AHSA1: variants seen among roughly 807,000 people sequenced by gnomAD.
AHSA1 encodes the protein activator of 90 kDa heat shock protein ATPase homolog 1.
In AHSA1, 14 loss-of-function variants were observed where a neutral mutation model predicts 46.1. The ratio of observed to expected loss-of-function variants is 0.30; its 90% confidence interval spans 0.20 to 0.47. The LOEUF is 0.47. AHSA1 is among the 20% of genes least tolerant of loss of function. The probability of loss-of-function intolerance (pLI) is 0.99; values close to 1 mark genes in which losing one functional copy is unlikely to be tolerated. For synonymous variants in AHSA1, 147 were observed against 145.8 expected (o/e 1.01, Z -0.06); for missense variants, 333 against 415.9 (o/e 0.80, Z 1.73).
chr14:77,459,315 C>G (rs1237090430), intron 1 of AHSA1, among the ~76,000 whole-genome samples: 1 of 152,142 alleles, frequency 6.6e-6, no homozygotes, highest in Non-Finnish European at 1.5e-5. Flanking sequence ...TCCACTTGGT[C>G]AAATGGGGGC....
At chr14:77,463,488 A>C (rs559045254) in intron 4 of AHSA1, among the ~76,000 whole-genome samples, 4 of 148,294 alleles carry the variant, frequency 2.7e-5, no homozygotes, top group Non-Finnish European at 4.5e-5. Flanking sequence ...CAAGAGGCTG[A>C]GGCAGGAGAA....
upstream of AHSA1, chr14:77,457,986 C>A: frequency 1.9e-6 from 1 of 526,928 alleles, no homozygotes; most frequent in Non-Finnish European, 3.3e-6. Context: ...ACCCACGGTG[C>A]GGCGAGTTGG....
chr14:77,466,151 T>C (rs900164728), intron 6 of AHSA1: 1 of 152,834 alleles, frequency 6.5e-6, no homozygotes, highest in African/African-American at 2.4e-5. Context: ...TTATTTATTT[T>C]AAAAACAAAA....
Position 77,458,110 on chromosome 14 carries a change from G to C in AHSA1, c.-80G>C. 5 of 1,305,708 alleles carry C rather than the reference G, an allele frequency of 3.8e-6. No homozygotes were observed. Among genetic ancestry groups the C allele is most frequent in the Non-Finnish European group, 5.1e-6 (5 of 987,306 alleles). 80.9% of individuals were successfully genotyped at this position (1,305,708 alleles called of 1,614,324 possible). Reference sequence around the variant, plus strand: ...CCGCTTCTAGTAGTTTCCAGGCGCTGCCGGGCGGCTGGCACTAAGCGGTCC... The same window carrying C: ...CCGCTTCTAGTAGTTTCCAGGCGCTCCCGGGCGGCTGGCACTAAGCGGTCC... On this transcript the variant is annotated 5_prime_UTR_variant, in exon 1 of 9. Coordinates refer to ENST00000216479, the MANE Select transcript of AHSA1 (RefSeq NM_012111.3).
chr14:77,467,567 G>A (rs540655444), intron 6 of AHSA1, among the ~76,000 whole-genome samples: 4 of 152,128 alleles, frequency 2.6e-5, no homozygotes, highest in African/African-American at 4.8e-5. Flanking sequence ...GGTGGCATGC[G>A]CCTGTAATCC....
At chr14:77,459,931 G>A in intron 2 of AHSA1, 125 bp downstream of exon 2, 1 of 1,065,610 alleles carries the variant, frequency 9.4e-7, no homozygotes. Flanking sequence ...CTGCTTTGGA[G>A]TCCTATGTAA....
At chr14:77,462,572 T>C in intron 3 of AHSA1, 70 bp from the exon 4 acceptor site, 6 of 1,407,322 alleles carry the variant, frequency 4.3e-6, no homozygotes, top group Non-Finnish European at 6.0e-6. Flanking sequence ...ACCTGATTGC[T>C]CAGCCCCCAC....
intron 1 of AHSA1, 129 bp downstream of exon 1, chr14:77,458,398 TC>T (rs2078998273): frequency 1.1e-6 from 1 of 929,908 alleles, no homozygotes; most frequent in African/African-American, 1.8e-5. Context: ...GGTGGGTCCT[TC>T]CTGTGGCAGG....
intron 5 of AHSA1, 114 bp from the exon 6 acceptor site, chr14:77,465,424 TA>T: frequency 8.2e-7 from 1 of 1,222,224 alleles, no homozygotes; most frequent in Non-Finnish European, 1.1e-6. Flanking sequence ...TTGGAATAAT[TA>T]CCCTTGGAGG....
At chr14:77,460,659 G>T (rs559162188) in intron 2 of AHSA1, among the ~76,000 whole-genome samples, 1 of 151,064 alleles carries the variant, frequency 6.6e-6, no homozygotes, top group African/African-American at 2.4e-5. Flanking sequence ...TCCACTTCCC[G>T]GGTTTAACCA....
At chr14:77,466,740 T>C (rs2079049348) in intron 6 of AHSA1, among the ~76,000 whole-genome samples, 1 of 152,266 alleles carries the variant, frequency 6.6e-6, no homozygotes, top group Non-Finnish European at 1.5e-5. Flanking sequence ...CAGAAAGTTA[T>C]CTTAGTTGAC....
At chr14:77,465,503 A>T in intron 5 of AHSA1, 36 bp from the exon 6 acceptor site, 1 of 1,609,250 alleles carries the variant, frequency 6.2e-7, no homozygotes, top group Non-Finnish European at 8.5e-7. Context: ...TTGTATCATT[A>T]CTCTGTATTG....
At chr14:77,467,979 G>A in intron 6 of AHSA1, 104 bp from the exon 7 acceptor site, 1 of 765,648 alleles carries the variant, frequency 1.3e-6, no homozygotes, top group Admixed American at 3.1e-5. Flanking sequence ...TGGTGGAAAT[G>A]AGAGTTGAGG....
chr14:77,468,651 C>T, intron 8 of AHSA1, 143 bp downstream of exon 8: 1 of 746,010 alleles, frequency 1.3e-6, no homozygotes. Context: ...CAGCCTTAAC[C>T]TCCCAGACCC....
upstream of AHSA1, chr14:77,458,090 T>A: frequency 9.1e-7 from 1 of 1,100,056 alleles, no homozygotes. Context: ...TGCGGCCGCT[T>A]CTAGTAGTTT....
chr14:77,465,389 C>T (rs893916121), intron 5 of AHSA1, 150 bp from the exon 6 acceptor site: 16 of 835,480 alleles, frequency 1.9e-5, no homozygotes, highest in African/African-American at 1.7e-4. Context: ...GAAACACCTA[C>T]ACACTCAAAT....
upstream of AHSA1, chr14:77,457,893 G>A: frequency 2.0e-6 from 1 of 496,696 alleles, no homozygotes; most frequent in Non-Finnish European, 3.5e-6. Flanking sequence ...TATGGGTGAG[G>A]AATGGTTGTA....
At position 77,465,648 on chromosome 14, in the gene AHSA1, G is replaced by A. The variant is rs774555249; in HGVS notation, c.671G>A (p.Arg224Lys). Residue 224 changes from arginine to lysine, a missense_variant, in exon 6 of 9, where the codon AGA (arginine) becomes AAA (lysine). Physicochemically the swap from Arg to Lys is conservative, Grantham distance 26. Coordinates refer to ENST00000216479, the MANE Select transcript of AHSA1 (RefSeq NM_012111.3). ...CTGACGTCACCAGAGGAGCTCTATA[G>A]AGTGTTTACCACCCAAGAGGTAAGT... ...TFLTSPEELY[R>K]VFTTQELVQA... The A allele has an allele frequency of 5.0e-6, 8 of 1,613,554 alleles. No individual in the cohort carries two copies. In the East Asian group the frequency reaches 1.8e-4, roughly 36 times the overall value.
At chr14:77,468,740 T>TAA in intron 8 of AHSA1, 1 of 468,346 alleles carries the variant, frequency 2.1e-6, no homozygotes, top group Non-Finnish European at 3.7e-6. Context: ...TTTTTTTTTT[T>TAA]TTTTTACTTT....
Sources: allele counts gnomAD v4.1 joint callset (sites outside exome capture counted in the v4.1 genomes callset), GRCh38; gene constraint gnomAD v4.1.1; transcripts MANE v1.5; gene names NCBI Gene and HGNC (gene_info 2026-07-23, HGNC 2026-07-21).